PRKCQ: variants seen among roughly 807,000 people sequenced by gnomAD.
PRKCQ encodes the protein protein kinase C theta type.
A neutral mutation model predicts 91.2 loss-of-function variants in PRKCQ; 41 were observed. The ratio of observed to expected loss-of-function variants is 0.45; its 90% CI spans 0.35 to 0.58. The LOEUF is 0.58. PRKCQ is among the 20% of genes least tolerant of loss of function. The probability of loss-of-function intolerance (pLI) is 0.00; values close to 1 mark genes in which losing one functional copy is unlikely to be tolerated. For synonymous variants in PRKCQ, 307 were observed against 316.9 expected, an observed-to-expected ratio of 0.97 and a Z score of 0.33; for missense variants, 673 against 896.5, an observed-to-expected ratio of 0.75 and a Z score of 3.18.
intron 1 of PRKCQ, among the ~76,000 whole-genome samples, chr10:6,577,048 G>GATT (rs972882672): frequency 6.6e-6 from 1 of 151,506 alleles, no homozygotes; most frequent in African/African-American, 2.4e-5. Context: ...TGTTGATGCT[G>GATT]ATTATTATTA....
chr10:6,547,994 G>A (rs1255421199), intron 1 of PRKCQ, among the ~76,000 whole-genome samples: 1 of 150,610 alleles, frequency 6.6e-6, no homozygotes, highest in Non-Finnish European at 1.5e-5. Context: ...CTGACAAAGG[G>A]CTAATATCCA....
intron 1 of PRKCQ, among the ~76,000 whole-genome samples, chr10:6,526,777 C>T (rs1000604509): frequency 2.6e-5 from 4 of 152,276 alleles, no homozygotes; most frequent in Non-Finnish European, 2.9e-5. Context: ...GAGGGGTCTA[C>T]GTGCTGTCTT....
intron 7 of PRKCQ, among the ~76,000 whole-genome samples, chr10:6,494,430 A>G (rs1384951970): frequency 6.6e-6 from 1 of 151,312 alleles, no homozygotes; most frequent in Non-Finnish European, 1.5e-5. Context: ...CTTCTTCATA[A>G]TATCAACTTA....
At chr10:6,394,921 G>A in the PRKCQ span, among the ~76,000 whole-genome samples, 3 of 152,184 alleles carry the variant, frequency 2.0e-5, no homozygotes, top group Admixed American at 6.5e-5. Flanking sequence ...GGAACGGTGC[G>A]ACCTTTGCTG....
chr10:6,445,894 C>T (rs1417933754), intron 15 of PRKCQ, among the ~76,000 whole-genome samples: 2 of 152,222 alleles, frequency 1.3e-5, no homozygotes, highest in African/African-American at 2.4e-5. Context: ...CAACCAGAAA[C>T]GTCTCTGAAC....
chr10:6,508,259 A>G (rs1838298647), intron 3 of PRKCQ, among the ~76,000 whole-genome samples: 1 of 151,542 alleles, frequency 6.6e-6, no homozygotes, highest in Non-Finnish European at 1.5e-5. Context: ...CTATTAAACC[A>G]TCCCACTATG....
chr10:6,482,133 A>G (rs1444554426), intron 11 of PRKCQ, among the ~76,000 whole-genome samples: 1 of 151,326 alleles, frequency 6.6e-6, no homozygotes, highest in Non-Finnish European at 1.5e-5. Context: ...TTTTTCCAGG[A>G]CTCTCAAGCT....
At chr10:6,496,295 A>C (rs1420764847) in intron 7 of PRKCQ, among the ~76,000 whole-genome samples, 1 of 151,840 alleles carries the variant, frequency 6.6e-6, no homozygotes, top group Admixed American at 6.6e-5. Flanking sequence ...ATTTTTAAAA[A>C]TTTAAAATTC....
chr10:6,471,129 A>AAT lies in PRKCQ; in HGVS notation c.1354-6726_1354-6725insAT, dbSNP rs528952597. Among the ~76,000 whole-genome samples the AAT allele has an allele frequency of 5.4e-3, 815 of 152,320 alleles. 7 individuals carry two copies. The highest frequency in any genetic ancestry group is 0.018 in the African/African-American group (767 of 41,554). The stretch of plus-strand genomic sequence containing the variant: ...GAGTTAGCCAGTATGATCTACAGTC[A>AAT]GACCATTTATCTTTCTTTTTCTCTT... On this transcript the variant is annotated intron_variant, in intron 12 of 17. Coordinates refer to ENST00000263125, the MANE Select transcript of PRKCQ (RefSeq NM_006257.5).
At chr10:6,567,491 T>C (rs1840876158) in intron 1 of PRKCQ, among the ~76,000 whole-genome samples, 1 of 152,146 alleles carries the variant, frequency 6.6e-6, no homozygotes, top group South Asian at 2.1e-4. Flanking sequence ...CAAAGATGAG[T>C]GTAGCTCTCT....
At position 6,530,301 on chromosome 10, in the gene PRKCQ, G is replaced by A. The variant is rs563212602; in HGVS notation, c.-9-15157C>T. Among the ~76,000 whole-genome samples, 275 of 152,258 alleles carry A rather than the reference G, an allele frequency of 1.8e-3. 1 individual carries two copies. The highest frequency in any genetic ancestry group is 4.8e-3 in the Admixed American group (74 of 15,296). On this transcript the variant is annotated intron_variant, in intron 1 of 17. Coordinates refer to ENST00000263125, the MANE Select transcript of PRKCQ (RefSeq NM_006257.5). Reference sequence around the variant, plus strand: ...GCAAGAAATGGCAAAGTGAGCTGTCGCCCTTGGGTACACCAGTAGCAAAAA... The same window carrying A: ...GCAAGAAATGGCAAAGTGAGCTGTCACCCTTGGGTACACCAGTAGCAAAAA...
At chr10:6,579,855 T>TTTTTTTA (rs1491546350) in intron 1 of PRKCQ, among the ~76,000 whole-genome samples, 1 of 138,504 alleles carries the variant, frequency 7.2e-6, no homozygotes, top group South Asian at 2.4e-4. Context: ...TTTTTTTTTT[T>TTTTTTTA]ACCAAGAATA....
intron 12 of PRKCQ, among the ~76,000 whole-genome samples, chr10:6,467,365 GAGAGAGAGAC>G (rs1835726742): frequency 8.3e-6 from 1 of 120,844 alleles, no homozygotes. Flanking sequence ...GACAGAGAGA[GAGAGAGAGAC>G]AGAGAGAGAC....
intron 5 of PRKCQ, among the ~76,000 whole-genome samples, chr10:6,498,193 T>C (rs1255181777): frequency 6.6e-6 from 1 of 152,074 alleles, no homozygotes; most frequent in Non-Finnish European, 1.5e-5. Flanking sequence ...GCATTTTTCC[T>C]GACTAGACCT....
chr10:6,485,373 A>G (rs1836848518), intron 9 of PRKCQ, 104 bp from the exon 10 acceptor site: 3 of 864,798 alleles, frequency 3.5e-6, no homozygotes, highest in East Asian at 2.5e-5. Flanking sequence ...GTTTAAATGC[A>G]TAGGGTCAAC....
rs184461338 is a variant in PRKCQ at position 6,464,291 on chromosome 10, C to G, written c.1445+22G>C. On this transcript the variant is annotated intron_variant, in intron 13 of 17. Coordinates refer to ENST00000263125, the MANE Select transcript of PRKCQ (RefSeq NM_006257.5). ...ACTGACAAGAACAGTGGAAAACTCC[C>G]AAACCCTTTAAAGCCTCTTACGTCG... 2.5e-6 allele frequency: 4 copies of G among 1,603,966 alleles called. No homozygotes were observed. The East Asian group carries it at 8.9e-5, about 36-fold the overall frequency.
In PRKCQ at chr10:6,430,844, C is replaced by T. The variant is rs761691219; in HGVS notation, c.1931G>A (p.Arg644Gln). 2.4e-5 allele frequency: 39 copies of T among 1,613,986 alleles called. No individual in the cohort carries two copies. Among genetic ancestry groups the T allele is most frequent in the African/African-American group, 8.0e-5 (6 of 74,902 alleles). ...FREINWEELE[R>Q]KEIDPPFRPK... ...CCGGAACGGTGGGTCAATCTCCTTC[C>T]GTTCAAGTTCCTCCCAGTTGATCTC... The change falls in exon 17 of 18, where the codon CGG becomes CAG. Residue 644 changes from arginine to glutamine, a missense_variant. Arg to Gln is a conservative substitution (Grantham distance 43). Coordinates refer to ENST00000263125, the MANE Select transcript of PRKCQ (RefSeq NM_006257.5). The surrounding 1 kb of genome is among the most constrained non-coding windows in gnomAD (Gnocchi z 4.7).
chr10:6,541,465 AC>A (rs913027178), intron 1 of PRKCQ, among the ~76,000 whole-genome samples: 14 of 151,644 alleles, frequency 9.2e-5, no homozygotes, highest in Non-Finnish European at 1.5e-5. Context: ...GCCCCTAAAG[AC>A]CCCCTTTTCC....
intron 1 of PRKCQ, among the ~76,000 whole-genome samples, chr10:6,539,125 G>T (rs919422311): frequency 6.6e-6 from 1 of 152,140 alleles, no homozygotes; most frequent in South Asian, 2.1e-4. Context: ...TAGAAACCTT[G>T]GTGACTGTAA....
Sources: allele counts gnomAD v4.1 joint callset (sites outside exome capture counted in the v4.1 genomes callset), GRCh38; gene constraint gnomAD v4.1.1; non-coding constraint Gnocchi (gnomAD v3.1); transcripts MANE v1.5; gene names NCBI Gene and HGNC (gene_info 2026-07-23, HGNC 2026-07-21).